PLCB1: variants seen among roughly 807,000 people sequenced by gnomAD.
PLCB1 encodes phospholipase C beta 1.
PLCB1 carries 46 observed loss-of-function variants against 161.8 expected under a neutral mutation model. The observed-to-expected ratio is 0.28, with a 90% CI of 0.22 to 0.36. The LOEUF (loss-of-function observed/expected upper bound fraction) is 0.36. Ranked by LOEUF, PLCB1 falls within the 10% of genes least tolerant of loss-of-function variation. PLCB1 has a pLI of 1.00. For synonymous variants in PLCB1, 517 were observed against 503.7 expected, an observed-to-expected ratio of 1.03 and a Z score of -0.35; for missense variants, 1,016 against 1,472.5, an observed-to-expected ratio of 0.69 and a Z score of 5.07.
intron 3 of PLCB1, among the ~76,000 whole-genome samples, chr20:8,627,754 C>A (rs536240247): frequency 3.3e-5 from 5 of 152,196 alleles, no homozygotes; most frequent in Non-Finnish European, 7.3e-5. Context: ...ATTCCGAGGA[C>A]AGAACTGAAA....
At chr20:8,729,788 G>T (rs1980135157) in intron 18 of PLCB1, 1 of 152,026 alleles carries the variant, frequency 6.6e-6, no homozygotes, top group South Asian at 2.1e-4. Context: ...TAAAAGATGT[G>T]AACAGTTTAA....
intron 3 of PLCB1, among the ~76,000 whole-genome samples, chr20:8,587,705 G>A (rs902231616): frequency 3.3e-5 from 5 of 152,148 alleles, no homozygotes; most frequent in East Asian, 1.9e-4. Context: ...AAATTTTCAG[G>A]TTAATGCAGT....
At chr20:8,628,176 T>G in intron 3 of PLCB1, 118 bp from the exon 4 acceptor site, 1 of 789,244 alleles carries the variant, frequency 1.3e-6, no homozygotes, top group Non-Finnish European at 2.1e-6. Flanking sequence ...TACAATTTTC[T>G]AGTAAGAATA....
intron 2 of PLCB1, 48 bp from the exon 3 acceptor site, chr20:8,371,334 G>A (rs762743718): frequency 3.1e-6 from 4 of 1,291,506 alleles, no homozygotes; most frequent in Non-Finnish European, 4.4e-6. Context: ...AAAACAAAGA[G>A]GAAAGGTCTG....
At chr20:8,564,446 C>T (rs1986254260) in intron 3 of PLCB1, among the ~76,000 whole-genome samples, 1 of 152,094 alleles carries the variant, frequency 6.6e-6, no homozygotes, top group African/African-American at 2.4e-5. Flanking sequence ...ATGGCTAAAA[C>T]ACCAAAAGCA....
chr20:8,602,730 G>A (rs1347982343), intron 3 of PLCB1, among the ~76,000 whole-genome samples: 1 of 152,206 alleles, frequency 6.6e-6, no homozygotes, highest in East Asian at 1.9e-4. Context: ...TTTAATTACA[G>A]TGATGTCAAA....
At chr20:8,269,346 G>A (rs1199459331) in intron 2 of PLCB1, among the ~76,000 whole-genome samples, 4 of 151,862 alleles carry the variant, frequency 2.6e-5, no homozygotes, top group South Asian at 2.1e-4. Flanking sequence ...TTGGTTTTTC[G>A]TTCTTGTGTT....
intron 23 of PLCB1, among the ~76,000 whole-genome samples, chr20:8,742,222 T>C (rs1980915969): frequency 6.6e-6 from 1 of 152,102 alleles, no homozygotes; most frequent in Non-Finnish European, 1.5e-5. Context: ...AAAAGTGAAT[T>C]ATAACTTGAT....
At chr20:8,340,467 G>T (rs931484242) in intron 2 of PLCB1, among the ~76,000 whole-genome samples, 5 of 152,162 alleles carry the variant, frequency 3.3e-5, no homozygotes, top group African/African-American at 1.2e-4. Flanking sequence ...CTGTCGCCCA[G>T]GCTGGAGTGC....
At chr20:8,279,966 G>T (rs1216449272) in intron 2 of PLCB1, among the ~76,000 whole-genome samples, 1 of 152,070 alleles carries the variant, frequency 6.6e-6, no homozygotes, top group Non-Finnish European at 1.5e-5. Context: ...CTTGATCTGG[G>T]TATTCACTTC....
intron 3 of PLCB1, among the ~76,000 whole-genome samples, chr20:8,418,074 A>G (rs1979380893): frequency 6.6e-6 from 1 of 152,180 alleles, no homozygotes; most frequent in African/African-American, 2.4e-5. Context: ...CTGTGGGCCA[A>G]CTGAATTGCT....
chr20:8,221,600 ATC>A (rs1278018469), intron 2 of PLCB1, among the ~76,000 whole-genome samples: 15 of 152,274 alleles, frequency 9.9e-5, no homozygotes, highest in Admixed American at 3.3e-4. Flanking sequence ...CGTCAGATTC[ATC>A]TCTCACACAC....
intron 9 of PLCB1, among the ~76,000 whole-genome samples, chr20:8,665,004 C>A (rs1160689347): frequency 3.3e-5 from 5 of 152,108 alleles, no homozygotes; most frequent in African/African-American, 4.8e-5. Flanking sequence ...TATGACTCCC[C>A]CTAGAGCCCA....
chr20:8,781,224 G>C (rs915381896), intron 27 of PLCB1, among the ~76,000 whole-genome samples: 8 of 151,868 alleles, frequency 5.3e-5, no homozygotes, highest in Non-Finnish European at 7.4e-5. Context: ...CTTTACATAG[G>C]GTCATTTTTT....
At chr20:8,275,283 G>GTGTGTT (rs1199896011) in intron 2 of PLCB1, among the ~76,000 whole-genome samples, 1 of 151,862 alleles carries the variant, frequency 6.6e-6, no homozygotes, top group South Asian at 2.1e-4. Context: ...GTGTGTGTGT[G>GTGTGTT]TGTGAAGCGG....
chr20:8,427,452 G>A (rs565801773), intron 3 of PLCB1, among the ~76,000 whole-genome samples: 1 of 152,266 alleles, frequency 6.6e-6, no homozygotes, highest in East Asian at 1.9e-4. Flanking sequence ...GGAGGGTAGG[G>A]GCTTTGCTGG....
chr20:8,193,900 A>G (rs1468101380), intron 2 of PLCB1, among the ~76,000 whole-genome samples: 1 of 151,970 alleles, frequency 6.6e-6, no homozygotes, highest in Non-Finnish European at 1.5e-5. Context: ...CTGTTAAGCT[A>G]TGAGGGTCTT....
intron 2 of PLCB1, among the ~76,000 whole-genome samples, chr20:8,359,043 G>C: frequency 6.6e-6 from 1 of 152,120 alleles, no homozygotes; most frequent in East Asian, 1.9e-4. Flanking sequence ...TCAACCTACT[G>C]TTCTGAAGCA....
chr20:8,833,301 A>G (rs1986102628), intron 31 of PLCB1, among the ~76,000 whole-genome samples: 3 of 152,220 alleles, frequency 2.0e-5, no homozygotes, highest in African/African-American at 7.2e-5. Flanking sequence ...CGACAGGCAA[A>G]AGAGCATGTG....
Sources: gnomAD v4.1 joint callset for allele counts (sites outside exome capture counted in the v4.1 genomes callset) on GRCh38, gnomAD v4.1.1 for gene constraint, MANE v1.5 for transcripts, NCBI Gene and HGNC (gene_info 2026-07-23, HGNC 2026-07-21) for gene names.